Variants in CPS1 observed in about 807,000 individuals in gnomAD.
CPS1 encodes the protein carbamoyl-phosphate synthase [ammonia], mitochondrial.
CPS1 carries 109 observed loss-of-function variants against 174.6 expected under a neutral mutation model. The observed-to-expected ratio is 0.62, with a 90% confidence interval of 0.53 to 0.73. The LOEUF (loss-of-function observed/expected upper bound fraction) is 0.73, where lower values mean the gene tolerates loss of function less well. CPS1 is among the 30% of genes least tolerant of loss of function. The pLI, the probability that CPS1 is intolerant of heterozygous loss-of-function variation, is 0.00. For synonymous variants in CPS1, 637 were observed against 632.0 expected (o/e 1.01, Z -0.12); for missense variants, 1,689 against 1,821.9 (o/e 0.93, Z 1.33).
chr2:210,498,842 G>A (rs996772310), intron 1 of CPS1, among the ~76,000 whole-genome samples: 9 of 152,072 alleles, frequency 5.9e-5, no homozygotes, highest in Non-Finnish European at 1.2e-4. Flanking sequence ...CAGATAGGGC[G>A]GGAGAGCTCA....
At chr2:210,635,932 C>T (rs1700030981) in intron 21 of CPS1, among the ~76,000 whole-genome samples, 1 of 140,414 alleles carries the variant, frequency 7.1e-6, no homozygotes, top group African/African-American at 2.6e-5. Context: ...GGGAAATAGC[C>T]ATTATATACA....
rs189226578 is a variant in CPS1, at chr2:210,541,548, G to A, written c.4-15171G>A. ...AGGGCTTTTACCCCTCTTATGTAGA[G>A]AAGGAGGAATTAAGCAATCAGTGAA... On this transcript the variant is annotated intron_variant, in intron 1 of 38. Coordinates refer to the CPS1 transcript ENST00000430249. 1.2e-4 allele frequency among the ~76,000 whole-genome samples: 19 copies of A among 152,290 alleles called. No homozygotes were observed. The East Asian group carries it at 3.3e-3, about 26-fold the overall frequency.
intron 1 of CPS1, among the ~76,000 whole-genome samples, chr2:210,543,042 G>A (rs1291360593): frequency 3.3e-5 from 5 of 151,994 alleles, no homozygotes; most frequent in Non-Finnish European, 5.9e-5. Context: ...CTCCTTAATC[G>A]GGGTTAGTCC....
intron 25 of CPS1, among the ~76,000 whole-genome samples, chr2:210,645,446 C>G (rs1250192008): frequency 6.6e-6 from 1 of 152,128 alleles, no homozygotes; most frequent in Non-Finnish European, 1.5e-5. Context: ...TGGTCTATTA[C>G]TTCAGCATAG....
In CPS1 at chr2:210,556,744, T is replaced by C. The variant is rs773003468; in HGVS notation, c.11T>C (p.Ile4Thr). Reference protein sequence around the residue: MTRILTAFKVVRTL... With the variant: MTRTLTAFKVVRTL... ...CCACAAATCATCAAAATGACGAGGA[T>C]TTTGACAGCTTTCAAAGTGGTGAGG... Residue 4 changes from isoleucine to threonine, a missense_variant, in exon 1 of 38, where the codon ATT becomes ACT. Physicochemically the swap from Ile to Thr is moderately conservative, Grantham distance 89 (BLOSUM62 -1). Coordinates refer to ENST00000233072, the MANE Select transcript of CPS1 (RefSeq NM_001875.5). The C allele has an allele frequency of 1.7e-5, 28 of 1,612,652 alleles. No individual in the cohort carries two copies. Among genetic ancestry groups the C allele is most frequent in the African/African-American group, 2.7e-5 (2 of 74,818 alleles).
At chr2:210,484,243 C>T (rs1203957110) in intron 1 of CPS1, among the ~76,000 whole-genome samples, 2 of 152,152 alleles carry the variant, frequency 1.3e-5, no homozygotes, top group Non-Finnish European at 2.9e-5. Context: ...ATGGAAGGGT[C>T]AACCTGTGCA....
chr2:210,507,118 AG>A (rs1221926951), intron 1 of CPS1, among the ~76,000 whole-genome samples: 1 of 152,250 alleles, frequency 6.6e-6, no homozygotes, highest in Non-Finnish European at 1.5e-5. Context: ...TGTTAAGGGC[AG>A]CCAGAGAGAA....
intron 33 of CPS1, among the ~76,000 whole-genome samples, 185 bp downstream of exon 33, chr2:210,663,382 T>C (rs1700987507): frequency 6.6e-6 from 1 of 152,370 alleles, no homozygotes; most frequent in South Asian, 2.1e-4. Flanking sequence ...TAAATTCTTA[T>C]TTATATTTTA....
intron 1 of CPS1, among the ~76,000 whole-genome samples, chr2:210,509,636 G>A (rs897639757): frequency 1.1e-4 from 17 of 152,188 alleles, no homozygotes; most frequent in East Asian, 9.7e-4. Context: ...AAAACCCATC[G>A]TCTCAGCCCA....
intron 1 of CPS1, among the ~76,000 whole-genome samples, chr2:210,495,983 C>G (rs893299289): frequency 2.0e-5 from 3 of 151,958 alleles, no homozygotes; most frequent in African/African-American, 7.3e-5. Context: ...TCCCCTCTTT[C>G]CCTCCCTGTG....
At chr2:210,536,966 T>G (rs1039594179) in intron 1 of CPS1, among the ~76,000 whole-genome samples, 1 of 152,188 alleles carries the variant, frequency 6.6e-6, no homozygotes. Flanking sequence ...CATAATCAGT[T>G]GAAAGTCACT....
intron 1 of CPS1, among the ~76,000 whole-genome samples, chr2:210,503,928 A>G (rs1374239294): frequency 6.6e-6 from 1 of 152,212 alleles, no homozygotes; most frequent in Admixed American, 6.5e-5. Flanking sequence ...TGCTTCTCTG[A>G]TGCTTTTCAC....
exon 1 of CPS1, chr2:210,477,744 T>C: frequency 6.2e-7 from 1 of 1,613,320 alleles, no homozygotes; most frequent in Non-Finnish European, 8.5e-7. Context: ...ATCAAATTCA[T>C]GAAGATTTAG....
At chr2:210,620,548 G>T (rs1168723050) in intron 21 of CPS1, among the ~76,000 whole-genome samples, 1 of 152,040 alleles carries the variant, frequency 6.6e-6, no homozygotes, top group Admixed American at 6.6e-5. Flanking sequence ...TTCACAGGAA[G>T]TGTGGTGCTA....
chr2:210,644,794 G>GTATGACTGCAACTTGGATATTGT (rs548870466), intron 25 of CPS1, among the ~76,000 whole-genome samples: 1,625 of 152,144 alleles, frequency 0.011, 23 homozygotes, highest in African/African-American at 0.037. Flanking sequence ...TAAGTTTCTG[G>GTATGACTGCAACTTGGATATTGT]TTCAGAAATA....
intron 19 of CPS1, among the ~76,000 whole-genome samples, chr2:210,609,216 A>G (rs1401562962): frequency 6.6e-6 from 1 of 152,004 alleles, no homozygotes; most frequent in African/African-American, 2.4e-5. Flanking sequence ...TGATTATTGC[A>G]TCTTCAAAGA....
intron 1 of CPS1, among the ~76,000 whole-genome samples, chr2:210,491,603 G>T (rs1005620357): frequency 6.6e-6 from 1 of 152,080 alleles, no homozygotes; most frequent in African/African-American, 2.4e-5. Flanking sequence ...ATGAGCCACC[G>T]CACCTGGACA....
At chr2:210,658,724 ACT>A (rs1700808056) in intron 31 of CPS1, 36 bp downstream of exon 31, 1 of 1,443,796 alleles carries the variant, frequency 6.9e-7, no homozygotes, top group Non-Finnish European at 9.7e-7. Flanking sequence ...GGACACCACC[ACT>A]GTGTTACGTC....
At chr2:210,483,472 T>C (rs540496435) in intron 1 of CPS1, among the ~76,000 whole-genome samples, 1 of 152,348 alleles carries the variant, frequency 6.6e-6, no homozygotes, top group Non-Finnish European at 1.5e-5. Flanking sequence ...CACCATCACG[T>C]GAGTGGTGAC....
Sources: gnomAD v4.1 joint callset for allele counts (sites outside exome capture counted in the v4.1 genomes callset) on GRCh38, gnomAD v4.1.1 for gene constraint, MANE v1.5 for transcripts, NCBI Gene and HGNC (gene_info 2026-07-23, HGNC 2026-07-21) for gene names.